Variants in MYRF observed in about 807,000 individuals in gnomAD.
MYRF encodes myelin regulatory factor.
Under a neutral mutation model 126.3 loss-of-function variants are expected in MYRF, and 16 were observed. The observed-to-expected ratio is 0.13, with a 90% CI of 0.09 to 0.19. The LOEUF is 0.19. Ranked by LOEUF, MYRF falls within the 10% of genes least tolerant of loss-of-function variation. MYRF has a pLI of 1.00. For missense variants in MYRF, 1,104 were observed against 1,547.0 expected (o/e 0.71, Z 4.80); for synonymous variants, 608 against 635.3 (o/e 0.96, Z 0.65).
At chr11:61,769,645 C>T (rs551369804) in intron 4 of MYRF, among the ~76,000 whole-genome samples, 1 of 152,134 alleles carries the variant, frequency 6.6e-6, no homozygotes, top group African/African-American at 2.4e-5. Flanking sequence ...GCCGGGCCCA[C>T]CTCACCTTAG....
chr11:61,777,433 C>G lies in MYRF; in HGVS notation c.1760C>G (p.Ser587Cys), dbSNP rs1298426510. ...GTCATGGGCTCGCTTATGCACCCCT[C>G]CGACCTGCGCGCCAAGGAACACGTG... ...VKVMGSLMHPSDLRAKEHVQE... is the reference protein window; with the variant it reads ...VKVMGSLMHPCDLRAKEHVQE... The change falls in exon 12 of 27, where the codon TCC (serine) becomes TGC (cysteine). Residue 587 changes from serine to cysteine, a missense_variant. Ser to Cys is a moderately radical substitution (Grantham distance 112). This residue lies in a region of MYRF where 123 missense variants were observed against 209.1 expected (regional missense o/e 0.59). Coordinates refer to ENST00000278836, the MANE Select transcript of MYRF (RefSeq NM_001127392.3). This position sits in a 1 kb window ranked among gnomAD's most constrained non-coding sequence, Gnocchi z 8.8. 6.2e-7 allele frequency: 1 copy of G among 1,613,050 alleles called. No individual in the cohort carries two copies. The highest frequency in any genetic ancestry group is 8.5e-7 in the Non-Finnish European group (1 of 1,179,698).
intron 3 of MYRF, chr11:61,768,801 G>A (rs374807885): frequency 9.3e-5 from 15 of 160,908 alleles, no homozygotes; most frequent in East Asian, 8.9e-4. Context: ...ACCCAGGCCC[G>A]GTGGTGCTGG....
intron 7 of MYRF, among the ~76,000 whole-genome samples, chr11:61,773,709 C>T (rs2066288724): frequency 6.6e-6 from 1 of 152,170 alleles, no homozygotes; most frequent in Non-Finnish European, 1.5e-5. Context: ...GGCCCTGCTT[C>T]CCCCATCACC....
intron 5 of MYRF, among the ~76,000 whole-genome samples, chr11:61,771,058 C>T (rs1036584092): frequency 7.2e-5 from 11 of 152,328 alleles, no homozygotes; most frequent in South Asian, 2.1e-4. Flanking sequence ...GAGTGCCGTG[C>T]GGAAGCTCCC....
intron 1 of MYRF, among the ~76,000 whole-genome samples, chr11:61,759,430 G>A (rs1234141113): frequency 6.6e-6 from 1 of 152,212 alleles, no homozygotes; most frequent in East Asian, 1.9e-4. Context: ...AGCACTTTGG[G>A]AGGCCGAGGC....
At position 61,778,589 on chromosome 11, in the gene MYRF, A is replaced by T. The variant is rs2066451088; in HGVS notation, c.2013+100A>T. 1 of 874,124 alleles carries T rather than the reference A, an allele frequency of 1.1e-6. No homozygotes were observed. Among genetic ancestry groups the T allele is most frequent in the Non-Finnish European group, 1.9e-6 (1 of 519,372 alleles). 54.1% of individuals were successfully genotyped at this position (874,124 alleles called of 1,614,324 possible). A position where few individuals can be genotyped will look rare whatever the true frequency, so the allele number is the denominator to read the frequency against. ...AGATACTGGGGGCACTGCAAAGCAG[A>T]GGCAGGAGCACCCTCGGCTCTCATG... On this transcript the variant is annotated intron_variant, in intron 14 of 26. Transcript: ENST00000278836. This position sits in a 1 kb window ranked among gnomAD's most constrained non-coding sequence, Gnocchi z 4.6.
intron 22 of MYRF, 81 bp downstream of exon 22, chr11:61,781,905 A>T (rs1042223741): frequency 7.0e-7 from 1 of 1,435,364 alleles, no homozygotes; most frequent in Non-Finnish European, 9.1e-7. Flanking sequence ...CAGTCATGTG[A>T]CTGTCTGGGT....
At chr11:61,753,127 G>A (rs1662008377) in intron 1 of MYRF, among the ~76,000 whole-genome samples, 1 of 151,580 alleles carries the variant, frequency 6.6e-6, no homozygotes, top group Non-Finnish European at 1.5e-5. Context: ...CCCGAGTCTG[G>A]GGACCCTCTA....
intron 16 of MYRF, 87 bp from the exon 17 acceptor site, chr11:61,779,755 A>T (rs899017363): frequency 1.7e-5 from 23 of 1,339,718 alleles, no homozygotes; most frequent in South Asian, 2.6e-5. Context: ...CACCCCCTTA[A>T]CCGCTCCTCC....
intron 1 of MYRF, chr11:61,755,504 G>T: frequency 6.3e-7 from 1 of 1,582,756 alleles, no homozygotes; most frequent in Non-Finnish European, 8.6e-7. Context: ...ACGGGACAGG[G>T]CAGTGTCTGA....
chr11:61,764,217 G>A (rs953791228), intron 1 of MYRF, among the ~76,000 whole-genome samples: 1 of 152,218 alleles, frequency 6.6e-6, no homozygotes, highest in Non-Finnish European at 1.5e-5. Flanking sequence ...CCTAAGCGGG[G>A]CTCAGCATTC....
Position 61,777,925 on chromosome 11 carries a change from G to A in MYRF, c.1903+80G>A. The A allele has an allele frequency of 9.0e-7, 1 of 1,113,326 alleles. No homozygotes were observed. The highest frequency in any genetic ancestry group is 1.3e-6 in the Non-Finnish European group (1 of 758,626). 69.0% of individuals were successfully genotyped at this position (1,113,326 alleles called of 1,614,324 possible). ...CAGTGACCTTGCCCCCTGTCACCTGGAAATCCTACTCCTCTTGACTCCCGG... is the reference window on the plus strand; with the variant it reads ...CAGTGACCTTGCCCCCTGTCACCTGAAAATCCTACTCCTCTTGACTCCCGG... On this transcript the variant is annotated intron_variant, in intron 13 of 26. Coordinates refer to ENST00000278836, the MANE Select transcript of MYRF (RefSeq NM_001127392.3). This position sits in a 1 kb window ranked among gnomAD's most constrained non-coding sequence, Gnocchi z 8.8.
At chr11:61,765,428 G>A (rs995479464) in intron 1 of MYRF, among the ~76,000 whole-genome samples, 197 bp from the exon 2 acceptor site, 2 of 152,140 alleles carry the variant, frequency 1.3e-5, no homozygotes, top group Non-Finnish European at 2.9e-5. Context: ...GGGGCGGGGG[G>A]GCATTATCAG....
chr11:61,771,540 T>C lies in MYRF; in HGVS notation c.781T>C (p.Ser261Pro). The C allele has an allele frequency of 6.2e-7, 1 of 1,611,134 alleles. No homozygotes were observed. Among genetic ancestry groups the C allele is most frequent in the Non-Finnish European group, 8.5e-7 (1 of 1,179,054 alleles). The change falls in exon 6 of 27, where the codon TCC becomes CCC. Residue 261 changes from serine (S) to proline (P), a missense_variant. By Grantham distance (74) the Ser-to-Pro change is moderately conservative (BLOSUM62 -1). This residue lies in a region of MYRF where 368 missense variants were observed against 403.9 expected (regional missense o/e 0.91). Coordinates refer to ENST00000278836, the MANE Select transcript of MYRF (RefSeq NM_001127392.3). ...CTCCAAGAAGAGGAAGCACTCTGAA[T>C]CCCCCCCCAGCACCCTCAATGCCCA... is the stretch of plus-strand genomic sequence containing the variant. ...HPSKKRKHSE[S>P]PPSTLNAQML...
At position 61,776,496 on chromosome 11, in the gene MYRF, G is replaced by C. The variant is rs1054702625; in HGVS notation, c.1499+64G>C. 1.9e-5 allele frequency: 27 copies of C among 1,385,346 alleles called. No individual in the cohort carries two copies. The highest frequency in any genetic ancestry group is 2.6e-5 in the Non-Finnish European group (26 of 993,704). The allele number at this position is 1,385,346 out of a possible 1,614,324, so 85.8% of individuals were successfully genotyped here. ...TCTGAGGCAGGAAGACACTGCCCTGGGTGGCACACCAGGCACAGAGTCCTA... is the reference window on the plus strand; with the variant it reads ...TCTGAGGCAGGAAGACACTGCCCTGCGTGGCACACCAGGCACAGAGTCCTA... On this transcript the variant is annotated intron_variant, in intron 10 of 26. Transcript: ENST00000278836. This position sits in a 1 kb window ranked among gnomAD's most constrained non-coding sequence, Gnocchi z 4.3.
chr11:61,765,838 C>T lies in MYRF; in HGVS notation c.135-120C>T, dbSNP rs772118126. On this transcript the variant is annotated intron_variant, in intron 2 of 26. Coordinates refer to ENST00000278836, the MANE Select transcript of MYRF (RefSeq NM_001127392.3). Reference sequence around the variant, plus strand: ...GGTCCCACCTCTGAAAGCTGCTCCTCGTCCCTTCCCAGCCACTGACTCCTC... The same window carrying T: ...GGTCCCACCTCTGAAAGCTGCTCCTTGTCCCTTCCCAGCCACTGACTCCTC... 3.5e-5 allele frequency: 49 copies of T among 1,418,718 alleles called. No individual in the cohort carries two copies. The Admixed American group carries it at 5.8e-4, about 17-fold the overall frequency. 87.9% of individuals were successfully genotyped at this position (1,418,718 alleles called of 1,614,324 possible).
chr11:61,784,418 G>C, intron 25 of MYRF, 33 bp downstream of exon 25: 1 of 1,571,718 alleles, frequency 6.4e-7, no homozygotes, highest in South Asian at 1.1e-5. Flanking sequence ...GGGCCGGCCA[G>C]GCCCGAGCTG....
rs754152606 is a variant in MYRF at position 61,773,963 on chromosome 11, C to A, written c.1116-4C>A. On this transcript the variant is annotated splice_region_variant and splice_polypyrimidine_tract_variant and intron_variant, in intron 7 of 26. Transcript: ENST00000278836. ...CAGGGGAGTGCCCTCACCCGCCCCCCCAGGCCCATGCTCACCTACCGCGTG... is the reference window on the plus strand; with the variant it reads ...CAGGGGAGTGCCCTCACCCGCCCCCACAGGCCCATGCTCACCTACCGCGTG... 7.5e-6 allele frequency: 12 copies of A among 1,607,086 alleles called. No individual in the cohort carries two copies. The highest frequency in any genetic ancestry group is 3.4e-5 in the Admixed American group (2 of 59,644).
chr11:61,766,788 C>A, intron 3 of MYRF: 1 of 332,610 alleles, frequency 3.0e-6, no homozygotes, highest in Non-Finnish European at 5.9e-6. Context: ...TCCAGGCAGC[C>A]ACCCGGCCAG....
Sources: allele counts gnomAD v4.1 joint callset (sites outside exome capture counted in the v4.1 genomes callset), GRCh38; gene constraint gnomAD v4.1.1; regional missense constraint gnomAD v4.1.1; non-coding constraint Gnocchi (gnomAD v3.1); transcripts MANE v1.5; gene names NCBI Gene and HGNC (gene_info 2026-07-23, HGNC 2026-07-21).